DMXL2: variants seen among roughly 807,000 people sequenced by gnomAD.
The protein encoded by DMXL2 is Dmx like 2, also known as dmX-like protein 2.
Under a neutral mutation model 331.1 loss-of-function variants are expected in DMXL2, and 103 were observed. The observed-to-expected ratio is 0.31, with a 90% CI of 0.27 to 0.37. DMXL2 has a LOEUF of 0.37. DMXL2 is among the 10% of genes least tolerant of loss of function. The pLI is 1.00. For missense variants in DMXL2, 3,171 were observed against 3,642.9 expected (o/e 0.87, Z 3.33); for synonymous variants, 1,281 against 1,252.1 (o/e 1.02, Z -0.49).
intron 13 of DMXL2, among the ~76,000 whole-genome samples, chr15:51,518,940 G>A (rs983855846): frequency 6.6e-6 from 1 of 152,054 alleles, no homozygotes; most frequent in Non-Finnish European, 1.5e-5. Context: ...CGCCCAGGGT[G>A]CAAAATTTAA....
At chr15:51,478,477 T>C in intron 25 of DMXL2, 130 bp from the exon 26 acceptor site, 1 of 702,870 alleles carries the variant, frequency 1.4e-6, no homozygotes, top group East Asian at 2.8e-5. Context: ...ATGAGACTAC[T>C]AACTCTGCTT....
Position 51,542,329 on chromosome 15 carries a change from T to C in DMXL2, c.1105+4A>G. On this transcript the variant is annotated splice_donor_region_variant and intron_variant, in intron 9 of 43. Coordinates refer to ENST00000560891, the MANE Select transcript of DMXL2 (RefSeq NM_001378457.1). The stretch of plus-strand genomic sequence containing the variant: ...TTTATGGGAAATAAAACTTTATCCT[T>C]TACCTGTGGCAGGGTTGATGCTTGC... The C allele has an allele frequency of 6.2e-7, 1 of 1,612,036 alleles. No homozygotes were observed. The highest frequency in any genetic ancestry group is 8.5e-7 in the Non-Finnish European group (1 of 1,178,658).
At position 51,619,310 on chromosome 15, in the gene DMXL2, G is replaced by A. The variant is rs371239715; in HGVS notation, c.87+3149C>T. Reference sequence around the variant, plus strand: ...ATTTCGAAAACCTAGATCTTACACTGAAAAGAACAAAATTGTTCAAAAGGT... The same window carrying A: ...ATTTCGAAAACCTAGATCTTACACTAAAAAGAACAAAATTGTTCAAAAGGT... On this transcript the variant is annotated intron_variant, in intron 1 of 43. Coordinates refer to ENST00000560891, the MANE Select transcript of DMXL2 (RefSeq NM_001378457.1). Among the ~76,000 whole-genome samples the A allele has an allele frequency of 2.0e-5, 3 of 152,152 alleles. No homozygotes were observed. In the East Asian group the frequency reaches 5.8e-4, roughly 29 times the overall value.
rs1310597880 is a variant in DMXL2 at position 51,590,162 on chromosome 15, G to C, written c.88-13981C>G. Among the ~76,000 whole-genome samples the C allele has an allele frequency of 2.3e-4, 35 of 152,082 alleles. 1 individual carries two copies. The highest frequency in any genetic ancestry group is 2.3e-3 in the Admixed American group (35 of 15,270). Reference sequence around the variant, plus strand: ...CAAGAATTTAATACCAAAAGCCATAGGCTAGCCAGCAAGCTATGATGTGGT... The same window carrying C: ...CAAGAATTTAATACCAAAAGCCATACGCTAGCCAGCAAGCTATGATGTGGT... On this transcript the variant is annotated intron_variant, in intron 1 of 43. Transcript: ENST00000560891.
chr15:51,473,921 C>T (rs1372060729), intron 28 of DMXL2, among the ~76,000 whole-genome samples: 1 of 152,062 alleles, frequency 6.6e-6, no homozygotes, highest in Non-Finnish European at 1.5e-5. Context: ...TAATCTGAAG[C>T]CAACTGCTGG....
chr15:51,475,717 G>C (rs2041523397), intron 27 of DMXL2, among the ~76,000 whole-genome samples: 1 of 152,140 alleles, frequency 6.6e-6, no homozygotes, highest in East Asian at 1.9e-4. Flanking sequence ...GGGACAACTG[G>C]CAAAATTCAA....
At chr15:51,463,895 TTATTTTAATAGTAAAAA>T (rs1344510930) in intron 32 of DMXL2, among the ~76,000 whole-genome samples, 3 of 152,130 alleles carry the variant, frequency 2.0e-5, no homozygotes, top group Non-Finnish European at 4.4e-5. Context: ...TCTTTCAAGC[TTATTTTAATAGTAAAAA>T]CTATTAATCA....
Position 51,534,568 on chromosome 15 carries a change from G to A in DMXL2, c.2436+1095C>T, listed in dbSNP as rs541038670. Among the ~76,000 whole-genome samples the A allele has an allele frequency of 5.9e-5, 9 of 152,222 alleles. No homozygotes were observed. The East Asian group carries it at 1.5e-3, about 26-fold the overall frequency. On this transcript the variant is annotated intron_variant, in intron 13 of 43. Coordinates refer to ENST00000560891, the MANE Select transcript of DMXL2 (RefSeq NM_001378457.1). ...ACAAATTGGCAGGAATGAAGCAGAG[G>A]GGAATAAAGCATCAGATGGCTGGTG...
intron 1 of DMXL2, among the ~76,000 whole-genome samples, chr15:51,593,208 G>T (rs927926589): frequency 1.3e-5 from 2 of 152,110 alleles, no homozygotes; most frequent in Admixed American, 1.3e-4. Context: ...CAAAACAAAG[G>T]GATGGAGGAA....
At chr15:51,503,191 A>T (rs1342657715) in intron 16 of DMXL2, among the ~76,000 whole-genome samples, 158 bp from the exon 17 acceptor site, 1 of 152,196 alleles carries the variant, frequency 6.6e-6, no homozygotes, top group Non-Finnish European at 1.5e-5. Flanking sequence ...AAACAGAATG[A>T]CCATATGACT....
chr15:51,520,937 GT>G, intron 13 of DMXL2, among the ~76,000 whole-genome samples: 1 of 152,222 alleles, frequency 6.6e-6, no homozygotes, highest in East Asian at 1.9e-4. Context: ...TTCGAGTGCA[GT>G]TTTTCTTAAA....
intron 20 of DMXL2, 27 bp from the exon 21 acceptor site, chr15:51,488,672 C>T (rs775877994): frequency 6.5e-7 from 1 of 1,534,500 alleles, no homozygotes; most frequent in East Asian, 2.3e-5. Flanking sequence ...ATATTAAATT[C>T]ACAATTTGAC....
At chr15:51,449,325 G>A (rs1049171190) in intron 43 of DMXL2, 132 bp from the exon 44 acceptor site, 91 of 735,660 alleles carry the variant, frequency 1.2e-4, no homozygotes, top group Non-Finnish European at 1.6e-4. Context: ...TTTCCTAAGA[G>A]CTTATCTAAG....
At position 51,622,474 on chromosome 15, in the gene DMXL2, C is replaced by A; in HGVS notation, c.72G>T (p.Gly24=). The change falls in exon 1 of 44, where the codon GGG becomes GGT. Residue 24 remains glycine, a synonymous_variant. Transcript: ENST00000560891. ...CGCCGCTCACCGTGAAGGGGACATC[C>A]CCGACGCTGCCCACGGAGTAGCAGT... is the stretch of plus-strand genomic sequence containing the variant. ...GDNCYSVGSV[G]DVPFTAYGSG... is the part of the protein sequence containing the mutation. 6.4e-7 allele frequency: 1 copy of A among 1,566,280 alleles called. No individual in the cohort carries two copies. The highest frequency in any genetic ancestry group is 8.7e-7 in the Non-Finnish European group (1 of 1,154,996).
Position 51,552,205 on chromosome 15 carries a change from T to C in DMXL2, c.568-4797A>G, listed in dbSNP as rs1270983300. The stretch of plus-strand genomic sequence containing the variant: ...TCATACAGCAGAGCCTCACAGGCCA[T>C]GGTAAAGATCATAATCTTCATTTTA... On this transcript the variant is annotated intron_variant, in intron 6 of 43. Transcript: ENST00000560891. Among the ~76,000 whole-genome samples, 4 of 152,278 alleles carry C rather than the reference T, an allele frequency of 2.6e-5. 1 individual carries two copies. The East Asian group carries it at 7.7e-4, about 29-fold the overall frequency.
intron 43 of DMXL2, 21 bp downstream of exon 43, chr15:51,450,108 C>G (rs1338310633): frequency 1.9e-6 from 3 of 1,606,964 alleles, no homozygotes; most frequent in Non-Finnish European, 2.6e-6. Context: ...TAGCACATTC[C>G]AACCTCTTGT....
chr15:51,473,723 A>G (rs1309082515), intron 28 of DMXL2, among the ~76,000 whole-genome samples: 6 of 152,226 alleles, frequency 3.9e-5, no homozygotes, highest in African/African-American at 9.6e-5. Flanking sequence ...ATACCTCACC[A>G]TATCATACCA....
At position 51,576,182 on chromosome 15, in the gene DMXL2, C is replaced by CAAAAAAAAAAAAAAAA. The variant is rs781167032; in HGVS notation, c.88-2_88-1insTTTTTTTTTTTTTTTT. 3 of 734,566 alleles carry CAAAAAAAAAAAAAAAA rather than the reference C, an allele frequency of 4.1e-6. No individual in the cohort carries two copies. Among genetic ancestry groups the CAAAAAAAAAAAAAAAA allele is most frequent in the Non-Finnish European group, 5.1e-6 (3 of 583,336 alleles). The allele number at this position is 734,566 out of a possible 1,614,324, so 45.5% of individuals were successfully genotyped here. A position where few individuals can be genotyped will look rare whatever the true frequency, so the allele number is the denominator to read the frequency against. On this transcript the variant is annotated splice_acceptor_variant, in intron 1 of 43. Transcript: ENST00000560891. LOFTEE classifies it high-confidence loss of function. ...CAATATCACAGCCTGATCCATATGC[C>CAAAAAAAAAAAAAAAA]TAAAAAAAAAAAAAAAAAAAAGTTT...
At chr15:51,505,432 T>G (rs1367949440) in intron 16 of DMXL2, among the ~76,000 whole-genome samples, 1 of 152,234 alleles carries the variant, frequency 6.6e-6, no homozygotes, top group Non-Finnish European at 1.5e-5. Flanking sequence ...CACAAGGACC[T>G]GTTACTACCC....
Sources: allele counts gnomAD v4.1 joint callset (sites outside exome capture counted in the v4.1 genomes callset), GRCh38; gene constraint gnomAD v4.1.1; transcripts MANE v1.5; gene names NCBI Gene and HGNC (gene_info 2026-07-23, HGNC 2026-07-21).